The following DMD variants were observed in gnomAD, a reference collection of about 807,000 sequenced individuals.
DMD encodes dystrophin, also known as mutant dystrophin.
Under a neutral mutation model 330.1 loss-of-function variants are expected in DMD, and 63 were observed. That is an observed-to-expected ratio of 0.19 (90% CI 0.16 to 0.24). The LOEUF (loss-of-function observed/expected upper bound fraction) is 0.24. Among genes scored for constraint, DMD ranks in the 10% least tolerant of loss-of-function variants. The pLI, the probability that DMD is intolerant of heterozygous loss-of-function variation, is 1.00. For synonymous variants in DMD, 1,223 were observed against 959.8 expected (o/e 1.27, Z -5.07); for missense variants, 3,344 against 2,684.1 (o/e 1.25, Z -5.43).
At chrX:31,319,008 G>A (rs966186276) in intron 62 of DMD, among the ~76,000 whole-genome samples, 9 of 112,057 alleles carry the variant, frequency 8.0e-5, no homozygotes, top group East Asian at 2.8e-4. Context: ...ACCAACCTTC[G>A]GCTAGAACTA....
intron 50 of DMD, among the ~76,000 whole-genome samples, chrX:31,777,729 A>G (rs2090756342): frequency 8.9e-6 from 1 of 112,221 alleles, no homozygotes; most frequent in Non-Finnish European, 1.9e-5. Flanking sequence ...CTATGAAAAC[A>G]GTACCAATCT....
chrX:32,449,616 G>A (rs1211704442), intron 26 of DMD, among the ~76,000 whole-genome samples: 1 of 104,079 alleles, frequency 9.6e-6, no homozygotes, highest in African/African-American at 3.5e-5. Context: ...CGCACCCCCT[G>A]GCCTCCATGT....
intron 62 of DMD, among the ~76,000 whole-genome samples, chrX:31,309,138 C>T (rs892412639): frequency 3.6e-5 from 4 of 111,904 alleles, no homozygotes; most frequent in Admixed American, 1.9e-4. Flanking sequence ...ATTATTTTTA[C>T]ATGTGAGATA....
intron 21 of DMD, among the ~76,000 whole-genome samples, chrX:32,484,319 G>A (rs2042212160): frequency 8.9e-6 from 1 of 112,008 alleles, no homozygotes; most frequent in Admixed American, 9.5e-5. Context: ...AGCAATTCAG[G>A]AAGAGACAAA....
chrX:32,343,126 A>G lies in DMD; in HGVS notation c.5739+8T>C, dbSNP rs1321625981. ...AAATCTGGTATTGACATTCTAAAAC[A>G]ACATTACCTTTATTTTCCTTTCATC... On this transcript the variant is annotated splice_region_variant and intron_variant, in intron 40 of 78. Transcript: ENST00000357033. The G allele has an allele frequency of 2.5e-6, 3 of 1,208,408 alleles. No individual in the cohort carries two copies. The Admixed American group carries it at 6.5e-5, about 26-fold the overall frequency.
intron 23 of DMD, among the ~76,000 whole-genome samples, chrX:32,465,300 C>A (rs930816873): frequency 8.1e-5 from 9 of 111,155 alleles, no homozygotes; most frequent in African/African-American, 2.9e-4. Flanking sequence ...TGATTCTTTC[C>A]CGTATTACCT....
chrX:31,825,497 C>CTGTTTATA (rs1235313651), intron 49 of DMD, among the ~76,000 whole-genome samples: 1 of 111,533 alleles, frequency 9.0e-6, no homozygotes, highest in East Asian at 2.8e-4. Flanking sequence ...TCAAAGTTTG[C>CTGTTTATA]TGTTTCTATG....
At chrX:32,157,170 A>T (rs1316493399) in intron 44 of DMD, among the ~76,000 whole-genome samples, 1 of 112,356 alleles carries the variant, frequency 8.9e-6, no homozygotes, top group Non-Finnish European at 1.9e-5. Context: ...ATGTACCACA[A>T]CTGACTAGTG....
At chrX:31,646,038 A>G (rs748139841) in intron 54 of DMD, among the ~76,000 whole-genome samples, 5 of 112,153 alleles carry the variant, frequency 4.5e-5, no homozygotes, top group Admixed American at 2.8e-4. Context: ...ATGTTATACC[A>G]TACAACCACC....
chrX:31,886,601 T>C (rs1016473212), intron 47 of DMD, among the ~76,000 whole-genome samples: 1 of 112,017 alleles, frequency 8.9e-6, no homozygotes, highest in Non-Finnish European at 1.9e-5. Context: ...ATTGCACCTA[T>C]TGATTTAACA....
intron 37 of DMD, among the ~76,000 whole-genome samples, chrX:32,349,636 TA>T (rs1569559248): frequency 9.0e-6 from 1 of 111,380 alleles, no homozygotes. Context: ...GAAGAAAAAC[TA>T]AATATCTAAA....
intron 2 of DMD, among the ~76,000 whole-genome samples, chrX:32,892,038 C>T (rs1001653494): frequency 8.9e-6 from 1 of 111,974 alleles, no homozygotes; most frequent in African/African-American, 3.2e-5. Context: ...TAGCTGACAA[C>T]TTGGAAATCA....
At chrX:31,835,406 A>G (rs909947328) in intron 49 of DMD, among the ~76,000 whole-genome samples, 3 of 112,043 alleles carry the variant, frequency 2.7e-5, no homozygotes, top group East Asian at 2.8e-4. Context: ...TCTTCAGAAC[A>G]TCAACGGAAA....
At chrX:32,749,561 T>G (rs1458822755) in intron 7 of DMD, among the ~76,000 whole-genome samples, 1 of 112,492 alleles carries the variant, frequency 8.9e-6, no homozygotes, top group Non-Finnish European at 1.9e-5. Flanking sequence ...AAGAATTACA[T>G]TTCTTATTAG....
intron 43 of DMD, among the ~76,000 whole-genome samples, chrX:32,242,068 T>C (rs997975585): frequency 1.8e-5 from 2 of 111,745 alleles, no homozygotes; most frequent in African/African-American, 3.3e-5. Flanking sequence ...GCACATAAAA[T>C]AGACTTCCTT....
chrX:33,320,199 C>T (rs777753131), intron 1 of DMD, among the ~76,000 whole-genome samples: 8 of 111,495 alleles, frequency 7.2e-5, no homozygotes, highest in Non-Finnish European at 1.1e-4. Flanking sequence ...TGTGATGGTA[C>T]GACAGACACC....
At chrX:32,139,069 C>T (rs1421351872) in intron 44 of DMD, among the ~76,000 whole-genome samples, 3 of 111,885 alleles carry the variant, frequency 2.7e-5, no homozygotes, top group Admixed American at 1.9e-4. Flanking sequence ...AAATCGGAGA[C>T]GATTATTCAT....
intron 1 of DMD, among the ~76,000 whole-genome samples, chrX:33,328,998 A>G (rs1046155085): frequency 6.3e-5 from 7 of 111,993 alleles, no homozygotes; most frequent in African/African-American, 2.3e-4. Context: ...TAGAAAAATG[A>G]GCATGAGATT....
intron 63 of DMD, among the ~76,000 whole-genome samples, chrX:31,241,827 C>T (rs2048325545): frequency 9.0e-6 from 1 of 111,668 alleles, no homozygotes; most frequent in Non-Finnish European, 1.9e-5. Context: ...ACACAGAAGA[C>T]GGACTTCATT....
Sources: allele counts gnomAD v4.1 joint callset (sites outside exome capture counted in the v4.1 genomes callset), GRCh38; gene constraint gnomAD v4.1.1; transcripts MANE v1.5; gene names NCBI Gene and HGNC (gene_info 2026-07-23, HGNC 2026-07-21).